Variants in CDH4 observed in about 807,000 individuals in gnomAD.
CDH4 encodes the protein cadherin-4.
A neutral mutation model predicts 86.0 loss-of-function variants in CDH4; 33 were observed. That is an observed-to-expected ratio of 0.38 (90% confidence interval 0.29 to 0.51). The LOEUF (loss-of-function observed/expected upper bound fraction) is 0.51, where lower values mean the gene tolerates loss of function less well. Ranked by LOEUF, CDH4 falls within the 20% of genes least tolerant of loss-of-function variation. The pLI is 0.86. For synonymous variants in CDH4, 555 were observed against 549.4 expected (o/e 1.01, Z -0.14); for missense variants, 1,114 against 1,307.4 (o/e 0.85, Z 2.28).
At chr20:61,843,427 G>A (rs542547284) in intron 4 of CDH4, among the ~76,000 whole-genome samples, 12 of 145,364 alleles carry the variant, frequency 8.3e-5, no homozygotes, top group East Asian at 2.0e-4. Flanking sequence ...TCCGCAGTCC[G>A]GCCTGGGCGA....
chr20:61,826,794 G>A (rs1981336708), intron 4 of CDH4, among the ~76,000 whole-genome samples: 1 of 152,142 alleles, frequency 6.6e-6, no homozygotes, highest in Admixed American at 6.5e-5. Flanking sequence ...TCACCTGGTG[G>A]CCTCATGGCC....
intron 2 of CDH4, among the ~76,000 whole-genome samples, chr20:61,547,804 C>G (rs1434904599): frequency 1.3e-5 from 2 of 152,220 alleles, no homozygotes; most frequent in Admixed American, 6.5e-5. Flanking sequence ...GTTTCCCATG[C>G]ATGGACATGT....
intron 2 of CDH4, among the ~76,000 whole-genome samples, chr20:61,502,670 C>T (rs1047299046): frequency 9.9e-5 from 15 of 152,092 alleles, no homozygotes; most frequent in African/African-American, 3.1e-4. Context: ...AGCTTCCTGG[C>T]GTCCAAAGGA....
intron 2 of CDH4, among the ~76,000 whole-genome samples, chr20:61,327,076 G>A (rs1040471817): frequency 6.6e-6 from 1 of 152,170 alleles, no homozygotes; most frequent in Non-Finnish European, 1.5e-5. Context: ...GCAAAGGAGA[G>A]GGAAGAGGTA....
At chr20:61,321,601 T>C (rs2084508858) in intron 2 of CDH4, among the ~76,000 whole-genome samples, 1 of 152,172 alleles carries the variant, frequency 6.6e-6, no homozygotes, top group African/African-American at 2.4e-5. Flanking sequence ...GCTGACACCT[T>C]CCATGTAGAC....
At chr20:61,611,128 G>A (rs989030482) in intron 2 of CDH4, among the ~76,000 whole-genome samples, 4 of 152,138 alleles carry the variant, frequency 2.6e-5, no homozygotes, top group South Asian at 2.1e-4. Flanking sequence ...GAGGGTGCAC[G>A]TCTCCCAGCA....
At chr20:61,755,368 C>CCCCA (rs1473011522) in intron 3 of CDH4, among the ~76,000 whole-genome samples, 1 of 144,680 alleles carries the variant, frequency 6.9e-6, no homozygotes, top group African/African-American at 2.6e-5. Context: ...GCCACACACA[C>CCCCA]CACACACACA....
chr20:61,528,617 G>A (rs1374132434), intron 2 of CDH4, among the ~76,000 whole-genome samples: 16 of 151,998 alleles, frequency 1.1e-4, no homozygotes. Context: ...AAAAAGAAAA[G>A]GAAAGAAGAG....
chr20:61,787,492 C>T (rs985346298), intron 4 of CDH4, among the ~76,000 whole-genome samples: 2 of 152,170 alleles, frequency 1.3e-5, no homozygotes, highest in African/African-American at 2.4e-5. Flanking sequence ...AATTATCTTC[C>T]ACCAGGTCCC....
Position 61,375,757 on chromosome 20 carries a change from G to T in CDH4, c.169+120820G>T, listed in dbSNP as rs866877557. On this transcript the variant is annotated intron_variant, in intron 2 of 15. Coordinates refer to ENST00000614565, the MANE Select transcript of CDH4 (RefSeq NM_001794.5). Reference sequence around the variant, plus strand: ...GATGGTCTTGGTGGTGGTGATGATGGTGGTGCTGGTGGTGGTCATAGCACT... The same window carrying T: ...GATGGTCTTGGTGGTGGTGATGATGTTGGTGCTGGTGGTGGTCATAGCACT... Among the ~76,000 whole-genome samples, 664 of 98,916 alleles carry T rather than the reference G, an allele frequency of 6.7e-3. 6 individuals carry two copies. Among genetic ancestry groups the T allele is most frequent in the African/African-American group, 0.023 (615 of 27,224 alleles). 64.9% of individuals were successfully genotyped at this position (98,916 alleles called of 152,430 possible).
chr20:61,276,263 T>C (rs1162320717), intron 2 of CDH4, among the ~76,000 whole-genome samples: 1 of 152,226 alleles, frequency 6.6e-6, no homozygotes, highest in Admixed American at 6.5e-5. Context: ...CTGTTTGAAC[T>C]CTTAAGCTAG....
intron 4 of CDH4, among the ~76,000 whole-genome samples, chr20:61,779,073 A>T (rs140094219): frequency 6.6e-6 from 1 of 152,350 alleles, no homozygotes; most frequent in East Asian, 1.9e-4. Flanking sequence ...TTAAAACGCC[A>T]CTTGCTTGGC....
intron 2 of CDH4, among the ~76,000 whole-genome samples, chr20:61,653,532 A>C (rs2087149274): frequency 7.1e-6 from 1 of 140,370 alleles, no homozygotes; most frequent in African/African-American, 2.6e-5. Flanking sequence ...GGCGCCCCTC[A>C]CCTCCCGGAC....
At chr20:61,647,503 C>T (rs903155058) in intron 2 of CDH4, among the ~76,000 whole-genome samples, 8 of 151,686 alleles carry the variant, frequency 5.3e-5, no homozygotes, top group African/African-American at 1.9e-4. Context: ...ATAGGAAAAA[C>T]ACATCAGTAT....
In CDH4 at chr20:61,812,645, A is replaced by G. The variant is rs1980498050; in HGVS notation, c.577-32023A>G. On this transcript the variant is annotated intron_variant, in intron 4 of 15. Coordinates refer to ENST00000614565, the MANE Select transcript of CDH4 (RefSeq NM_001794.5). The stretch of plus-strand genomic sequence containing the variant: ...CTGGTATGTAATTTAGTCACTGACC[A>G]ACAGATATTAACTGCAGTTATGTAG... Among the ~76,000 whole-genome samples, 8 of 152,328 alleles carry G rather than the reference A, an allele frequency of 5.3e-5. No individual in the cohort carries two copies. In the South Asian group the frequency reaches 1.7e-3, roughly 32 times the overall value.
chr20:61,518,125 G>A lies in CDH4; in HGVS notation c.170-225438G>A, dbSNP rs73917932. Among the ~76,000 whole-genome samples the A allele has an allele frequency of 1.8e-3, 275 of 152,314 alleles. 1 individual carries two copies. Among genetic ancestry groups the A allele is most frequent in the African/African-American group, 6.3e-3 (260 of 41,560 alleles). ...CAAGAAATCATGACGCTACTGCAAG[G>A]GTTTAGTGCTCATTCTTCACTCACT... On this transcript the variant is annotated intron_variant, in intron 2 of 15. Transcript: ENST00000614565. This position sits in a 1 kb window ranked among gnomAD's most constrained non-coding sequence, Gnocchi z 6.3.
rs770709781 is a variant in CDH4, at chr20:61,873,692, A to AG, written c.878-34dup. On this transcript the variant is annotated intron_variant, in intron 6 of 15. Transcript: ENST00000614565. ...GTGCGGGGGTGGCAGCCTGTGTGGCAGGCCATCCCCATCTGAGCTGCTGTC... is the reference window on the plus strand; with the variant it reads ...GTGCGGGGGTGGCAGCCTGTGTGGCAGGGCCATCCCCATCTGAGCTGCTGTC... 24 of 1,597,512 alleles carry AG rather than the reference A, an allele frequency of 1.5e-5. No homozygotes were observed. The East Asian group carries it at 5.4e-4, about 36-fold the overall frequency.
chr20:61,699,032 C>T (rs1394151685), intron 2 of CDH4, among the ~76,000 whole-genome samples: 3 of 152,268 alleles, frequency 2.0e-5, no homozygotes, highest in African/African-American at 7.2e-5. Context: ...GGCAGGTCCC[C>T]ACAGTGGCTG....
chr20:61,787,205 C>T (rs1261938843), intron 4 of CDH4, among the ~76,000 whole-genome samples: 3 of 152,118 alleles, frequency 2.0e-5, no homozygotes, highest in Admixed American at 2.0e-4. Context: ...GTCAAGCACC[C>T]TGTATCTGTT....
Sources: allele counts gnomAD v4.1 joint callset (sites outside exome capture counted in the v4.1 genomes callset), GRCh38; gene constraint gnomAD v4.1.1; non-coding constraint Gnocchi (gnomAD v3.1); transcripts MANE v1.5; gene names NCBI Gene and HGNC (gene_info 2026-07-23, HGNC 2026-07-21).